The following RPS6KA5 variants were observed in gnomAD, a reference collection of about 807,000 sequenced individuals.
The protein encoded by RPS6KA5 is ribosomal protein S6 kinase A5.
In RPS6KA5, 27 loss-of-function variants were observed where a neutral mutation model predicts 85.5. That is an observed-to-expected ratio of 0.32 (90% CI 0.23 to 0.44). The LOEUF is 0.44. Among genes scored for constraint, RPS6KA5 ranks in the 20% least tolerant of loss-of-function variants. The pLI, the probability that RPS6KA5 is intolerant of heterozygous loss-of-function variation, is 1.00. For synonymous variants in RPS6KA5, 334 were observed against 348.2 expected (o/e 0.96, Z 0.46); for missense variants, 811 against 980.9 (o/e 0.83, Z 2.31).
rs2031821321 is a variant in RPS6KA5 at position 90,848,348 on chromosome 14, C to T, written c.*23726G>A. 6.6e-6 allele frequency: 1 copy of T among 152,156 alleles called. No individual in the cohort carries two copies. Among genetic ancestry groups the T allele is most frequent in the Non-Finnish European group, 1.5e-5 (1 of 68,030 alleles). The allele number at this position is 152,156 out of a possible 1,614,324, so 9.4% of individuals were successfully genotyped here. ...AACATGGAACATTAGCCCTCCTAAA[C>T]AATTCCAGAAGAGGGAAGTTCATTA... is the stretch of plus-strand genomic sequence containing the variant. On this transcript the variant is annotated 3_prime_UTR_variant, in exon 17 of 17. Coordinates refer to ENST00000614987, the MANE Select transcript of RPS6KA5 (RefSeq NM_004755.4).
At chr14:90,950,981 G>A (rs376848231) in intron 3 of RPS6KA5, among the ~76,000 whole-genome samples, 91 of 151,768 alleles carry the variant, frequency 6.0e-4, no homozygotes, top group Non-Finnish European at 5.4e-4. Context: ...TTAGCCAGGC[G>A]TGGTGGTGCA....
chr14:90,850,288 A>G lies in RPS6KA5; in HGVS notation c.*21786T>C, dbSNP rs566580771. 1 of 152,374 alleles carries G rather than the reference A, an allele frequency of 6.6e-6. No individual in the cohort carries two copies. Among genetic ancestry groups the G allele is most frequent in the South Asian group, 2.1e-4 (1 of 4,824 alleles). The allele number at this position is 152,374 out of a possible 1,614,324, so 9.4% of individuals were successfully genotyped here. On this transcript the variant is annotated 3_prime_UTR_variant, in exon 17 of 17. Transcript: ENST00000614987. ...AGATGGTAATAAATCCAGCTGCTAC[A>G]GAATGACAAGAAGAACAGTCATGAT...
intron 6 of RPS6KA5, among the ~76,000 whole-genome samples, chr14:90,922,629 A>G (rs532861948): frequency 6.6e-6 from 1 of 152,256 alleles, no homozygotes; most frequent in East Asian, 1.9e-4. Flanking sequence ...TTATATTTTT[A>G]GTAGAGATGA....
chr14:90,993,664 G>C (rs572854343), intron 2 of RPS6KA5, among the ~76,000 whole-genome samples: 1 of 152,114 alleles, frequency 6.6e-6, no homozygotes, highest in African/African-American at 2.4e-5. Context: ...TTATAAATAA[G>C]TCTTTTCTCT....
At chr14:90,890,958 T>C (rs1393380257) in intron 13 of RPS6KA5, among the ~76,000 whole-genome samples, 2 of 152,136 alleles carry the variant, frequency 1.3e-5, no homozygotes, top group African/African-American at 4.8e-5. Flanking sequence ...TGTGTTTGTC[T>C]TTTGCTTCCT....
At chr14:90,891,783 T>C (rs2034575647) in intron 13 of RPS6KA5, among the ~76,000 whole-genome samples, 1 of 152,190 alleles carries the variant, frequency 6.6e-6, no homozygotes. Context: ...CTTGAATTTG[T>C]GACACTGAAG....
chr14:91,046,599 T>G (rs907784724), intron 1 of RPS6KA5, among the ~76,000 whole-genome samples: 1 of 152,166 alleles, frequency 6.6e-6, no homozygotes, highest in Non-Finnish European at 1.5e-5. Context: ...TTCAGATTAT[T>G]ATGATGTGAT....
At chr14:91,040,041 AT>A (rs1566896269) in intron 1 of RPS6KA5, among the ~76,000 whole-genome samples, 1 of 152,204 alleles carries the variant, frequency 6.6e-6, no homozygotes, top group Non-Finnish European at 1.5e-5. Context: ...GGTGGGGAGA[AT>A]GTGAGAGAGA....
At position 91,048,574 on chromosome 14, in the gene RPS6KA5, T is replaced by C. The variant is rs574265697; in HGVS notation, c.103+11758A>G. ...TTAGGAGTATATAAAATAGAACTTC[T>C]GTGATTTTTGGAGGAATAGCTAGCT... On this transcript the variant is annotated intron_variant, in intron 1 of 16. Coordinates refer to ENST00000614987, the MANE Select transcript of RPS6KA5 (RefSeq NM_004755.4). 3.3e-5 allele frequency among the ~76,000 whole-genome samples: 5 copies of C among 152,316 alleles called. No individual in the cohort carries two copies. The East Asian group carries it at 9.6e-4, about 29-fold the overall frequency.
intron 2 of RPS6KA5, among the ~76,000 whole-genome samples, chr14:90,994,019 G>A (rs1159745842): frequency 2.0e-5 from 3 of 151,906 alleles, no homozygotes; most frequent in Non-Finnish European, 2.9e-5. Flanking sequence ...CTCCTGAATG[G>A]CTAGGACTAC....
At chr14:90,972,049 C>T (rs1202760112) in intron 3 of RPS6KA5, among the ~76,000 whole-genome samples, 1 of 152,190 alleles carries the variant, frequency 6.6e-6, no homozygotes, top group Non-Finnish European at 1.5e-5. Context: ...ATCTAAGATT[C>T]AGTTAAGAAA....
intron 4 of RPS6KA5, among the ~76,000 whole-genome samples, chr14:90,946,366 T>C (rs1455477589): frequency 6.6e-6 from 1 of 152,102 alleles, no homozygotes; most frequent in Non-Finnish European, 1.5e-5. Context: ...TCAGTCTCCC[T>C]AAGATTCCTA....
chr14:91,015,374 A>C (rs1485558434), intron 1 of RPS6KA5, among the ~76,000 whole-genome samples: 1 of 152,114 alleles, frequency 6.6e-6, no homozygotes, highest in Non-Finnish European at 1.5e-5. Flanking sequence ...CTTGTGAATG[A>C]TTAAAAAAAA....
At position 90,858,017 on chromosome 14, in the gene RPS6KA5, G is replaced by A. The variant is rs1008432660; in HGVS notation, c.*14057C>T. On this transcript the variant is annotated 3_prime_UTR_variant, in exon 17 of 17. Coordinates refer to ENST00000614987, the MANE Select transcript of RPS6KA5 (RefSeq NM_004755.4). The stretch of plus-strand genomic sequence containing the variant: ...AGCCACTGCGGAGAAATCAACAATG[G>A]CGATTAAAAATGATTACCACCAGAT... The A allele has an allele frequency of 2.0e-5, 3 of 152,072 alleles. No homozygotes were observed. The highest frequency in any genetic ancestry group is 4.4e-5 in the Non-Finnish European group (3 of 68,026). The allele number at this position is 152,072 out of a possible 1,614,324, so 9.4% of individuals were successfully genotyped here. A position where few individuals can be genotyped will look rare whatever the true frequency, so the allele number is the denominator to read the frequency against.
rs147265237 is a variant in RPS6KA5, at chr14:90,915,878, C to T, written c.806+4328G>A. ...GCTAGTGTAAGACACGTAAGAAAAGCACATGTACATGTATTTTAAAAAATA... is the reference window on the plus strand; with the variant it reads ...GCTAGTGTAAGACACGTAAGAAAAGTACATGTACATGTATTTTAAAAAATA... On this transcript the variant is annotated intron_variant, in intron 7 of 16. Coordinates refer to ENST00000614987, the MANE Select transcript of RPS6KA5 (RefSeq NM_004755.4). Among the ~76,000 whole-genome samples the T allele has an allele frequency of 9.9e-4, 150 of 151,390 alleles. 2 individuals carry two copies. Among genetic ancestry groups the T allele is most frequent in the Admixed American group, 4.1e-3 (62 of 15,218 alleles).
intron 7 of RPS6KA5, among the ~76,000 whole-genome samples, chr14:90,912,612 G>A (rs965450443): frequency 2.0e-5 from 3 of 152,224 alleles, no homozygotes; most frequent in Admixed American, 6.5e-5. Context: ...GAACGGTGCT[G>A]TTGATGTCAC....
At chr14:91,009,300 A>G (rs924260614) in intron 1 of RPS6KA5, among the ~76,000 whole-genome samples, 2 of 152,252 alleles carry the variant, frequency 1.3e-5, no homozygotes, top group African/African-American at 4.8e-5. Context: ...GTGAGGACAC[A>G]GCTAGAAAAC....
chr14:90,876,789 G>A (rs550008836), intron 14 of RPS6KA5, among the ~76,000 whole-genome samples: 27 of 152,334 alleles, frequency 1.8e-4, no homozygotes, highest in African/African-American at 5.8e-4. Context: ...GGGACATGGA[G>A]GGGAGGCTCA....
At chr14:91,059,445 T>C (rs1408156274) in intron 1 of RPS6KA5, among the ~76,000 whole-genome samples, 1 of 151,954 alleles carries the variant, frequency 6.6e-6, no homozygotes, top group Non-Finnish European at 1.5e-5. Context: ...AAATGTACTA[T>C]CTGTTCAGAG....
Sources: gnomAD v4.1 joint callset for allele counts (sites outside exome capture counted in the v4.1 genomes callset) on GRCh38, gnomAD v4.1.1 for gene constraint, MANE v1.5 for transcripts, NCBI Gene and HGNC (gene_info 2026-07-23, HGNC 2026-07-21) for gene names.